CSMD1: variants seen among roughly 807,000 people sequenced by gnomAD.
CSMD1 encodes the protein CUB and Sushi multiple domains 1, also known as CUB and sushi domain-containing protein 1.
A neutral mutation model predicts 417.5 loss-of-function variants in CSMD1; 213 were observed. The observed-to-expected ratio is 0.51, with a 90% CI of 0.46 to 0.57. CSMD1 has a LOEUF of 0.57. Ranked by LOEUF, CSMD1 falls within the 20% of genes least tolerant of loss-of-function variation. The probability of loss-of-function intolerance (pLI) is 0.00; values close to 1 mark genes in which losing one functional copy is unlikely to be tolerated. For synonymous variants in CSMD1, 2,862 were observed against 1,736.8 expected (o/e 1.65, Z -16.11); for missense variants, 6,923 against 4,529.7 (o/e 1.53, Z -15.17).
At chr8:3,421,022 G>C (rs1187925206) in intron 12 of CSMD1, among the ~76,000 whole-genome samples, 1 of 152,122 alleles carries the variant, frequency 6.6e-6, no homozygotes, top group South Asian at 2.1e-4. Context: ...GACACTAAAA[G>C]CTGTGTAAAG....
intron 3 of CSMD1, among the ~76,000 whole-genome samples, chr8:4,140,113 G>C (rs1016962443): frequency 6.6e-6 from 1 of 150,944 alleles, no homozygotes; most frequent in Admixed American, 6.6e-5. Flanking sequence ...AACACTTTTG[G>C]AGGTGAAGGC....
intron 2 of CSMD1, among the ~76,000 whole-genome samples, chr8:4,546,737 T>A (rs1243155915): frequency 6.6e-6 from 1 of 152,116 alleles, no homozygotes; most frequent in African/African-American, 2.4e-5. Context: ...TCAATTCCCA[T>A]AATAAATATA....
chr8:3,974,087 A>G (rs1196883705), intron 5 of CSMD1, among the ~76,000 whole-genome samples: 2 of 147,256 alleles, frequency 1.4e-5, no homozygotes, highest in African/African-American at 5.4e-5. Flanking sequence ...GGTAGGTCTT[A>G]TTTATTATTT....
At chr8:4,831,443 G>C (rs1800142200) in intron 1 of CSMD1, among the ~76,000 whole-genome samples, 2 of 152,164 alleles carry the variant, frequency 1.3e-5, no homozygotes, top group South Asian at 4.1e-4. Flanking sequence ...GCATTATGGA[G>C]TACATTCTAT....
intron 1 of CSMD1, among the ~76,000 whole-genome samples, chr8:4,860,423 AG>A (rs1386178162): frequency 6.6e-6 from 1 of 151,538 alleles, no homozygotes; most frequent in East Asian, 1.9e-4. Context: ...AAAAAAAAAA[AG>A]TGTGTGCCAC....
intron 26 of CSMD1, among the ~76,000 whole-genome samples, chr8:3,270,911 CTTTT>C: frequency 6.6e-6 from 1 of 150,600 alleles, no homozygotes; most frequent in Non-Finnish European, 1.5e-5. Flanking sequence ...ATCTTTTTTT[CTTTT>C]TTTTTTTAAT....
intron 3 of CSMD1, among the ~76,000 whole-genome samples, chr8:4,191,604 T>A (rs954749525): frequency 6.6e-6 from 1 of 152,114 alleles, no homozygotes; most frequent in Non-Finnish European, 1.5e-5. Context: ...TGTTTAAGCT[T>A]TCTATGTTGA....
At chr8:3,856,195 T>A (rs1804298818) in intron 5 of CSMD1, among the ~76,000 whole-genome samples, 1 of 152,014 alleles carries the variant, frequency 6.6e-6, no homozygotes, top group African/African-American at 2.4e-5. Context: ...CCCAGTGCTG[T>A]TCTCATGATA....
chr8:2,981,379 C>T (rs961197720), intron 54 of CSMD1, among the ~76,000 whole-genome samples: 1 of 152,144 alleles, frequency 6.6e-6, no homozygotes, highest in Non-Finnish European at 1.5e-5. Flanking sequence ...GAGAAATGGC[C>T]AGTGAAGTTC....
intron 13 of CSMD1, 67 bp downstream of exon 13, chr8:3,409,356 C>G: frequency 2.9e-6 from 4 of 1,394,454 alleles, no homozygotes; most frequent in Non-Finnish European, 3.8e-6. Context: ...CTGTGTCTTT[C>G]TCCTTTTCTC....
chr8:3,855,719 G>C (rs1387614958), intron 5 of CSMD1, among the ~76,000 whole-genome samples: 2 of 152,128 alleles, frequency 1.3e-5, no homozygotes, highest in African/African-American at 4.8e-5. Flanking sequence ...CTTCTACTGA[G>C]AAAATTTCAT....
At chr8:4,958,980 A>G (rs1410141846) in intron 1 of CSMD1, among the ~76,000 whole-genome samples, 1 of 152,216 alleles carries the variant, frequency 6.6e-6, no homozygotes, top group Non-Finnish European at 1.5e-5. Flanking sequence ...ATTAAAAACA[A>G]GAAACGTGAA....
intron 2 of CSMD1, among the ~76,000 whole-genome samples, chr8:4,511,655 C>T (rs771327820): frequency 1.6e-4 from 25 of 152,116 alleles, no homozygotes; most frequent in Non-Finnish European, 3.4e-4. Context: ...CAGAAACCCA[C>T]AAGCACAAAG....
chr8:3,692,852 T>C (rs1408447335), intron 7 of CSMD1, among the ~76,000 whole-genome samples: 1 of 152,178 alleles, frequency 6.6e-6, no homozygotes, highest in South Asian at 2.1e-4. Flanking sequence ...GTAATGTTTC[T>C]TTGGAAAAAT....
rs1160662796 is a variant in CSMD1, at chr8:4,266,286, T to G, written c.415+153667A>C. Among the ~76,000 whole-genome samples, 60 of 105,516 alleles carry G rather than the reference T, an allele frequency of 5.7e-4. 9 individuals are homozygous for G. The highest frequency in any genetic ancestry group is 1.5e-3 in the African/African-American group (58 of 38,548). The allele number at this position is 105,516 out of a possible 152,430, so 69.2% of individuals were successfully genotyped here. On this transcript the variant is annotated intron_variant, in intron 3 of 69. Coordinates refer to ENST00000635120, the MANE Select transcript of CSMD1 (RefSeq NM_033225.6). ...TACCAAAGAAAATTTTATAAATTTT[T>G]GTTTTCTATGTAAGAGAAACTGTCC...
chr8:3,219,006 A>G (rs1798046779), intron 29 of CSMD1, among the ~76,000 whole-genome samples: 1 of 152,124 alleles, frequency 6.6e-6, no homozygotes, highest in African/African-American at 2.4e-5. Flanking sequence ...ACAAACCACA[A>G]TTTATTTTTA....
chr8:4,307,079 T>C (rs868797008), intron 3 of CSMD1, among the ~76,000 whole-genome samples: 2 of 152,134 alleles, frequency 1.3e-5, no homozygotes, highest in African/African-American at 4.8e-5. Context: ...GCTCCCACTA[T>C]TGCCAATTTC....
chr8:4,256,293 A>T (rs1803449983), intron 3 of CSMD1, among the ~76,000 whole-genome samples: 1 of 152,178 alleles, frequency 6.6e-6, no homozygotes, highest in Non-Finnish European at 1.5e-5. Context: ...TATGATGCAG[A>T]GTGAAATGTA....
At position 4,216,974 on chromosome 8, in the gene CSMD1, T is replaced by C. The variant is rs1470896534; in HGVS notation, c.416-184875A>G. Among the ~76,000 whole-genome samples the C allele has an allele frequency of 2.0e-5, 3 of 152,096 alleles. No individual in the cohort carries two copies. In the East Asian group the frequency reaches 5.8e-4, roughly 29 times the overall value. On this transcript the variant is annotated intron_variant, in intron 3 of 69. Coordinates refer to ENST00000635120, the MANE Select transcript of CSMD1 (RefSeq NM_033225.6). Reference sequence around the variant, plus strand: ...TTCAAAATGGCTGTCCTAGGATAGGTCCCCACGGTTAAGACTTCTCTAACT... The same window carrying C: ...TTCAAAATGGCTGTCCTAGGATAGGCCCCCACGGTTAAGACTTCTCTAACT...
Sources: allele counts gnomAD v4.1 joint callset (sites outside exome capture counted in the v4.1 genomes callset), GRCh38; gene constraint gnomAD v4.1.1; transcripts MANE v1.5; gene names NCBI Gene and HGNC (gene_info 2026-07-23, HGNC 2026-07-21).